The following PCTP variants were observed in gnomAD, a reference collection of about 807,000 sequenced individuals.
The protein encoded by PCTP is START domain-containing protein 2.
A neutral mutation model predicts 31.0 loss-of-function variants in PCTP; 27 were observed. The observed-to-expected ratio is 0.87, with a 90% CI of 0.64 to 1.20. PCTP has a LOEUF of 1.20. Among genes scored for constraint, PCTP ranks in the 50% most tolerant of loss-of-function variants. The probability of loss-of-function intolerance (pLI) is 0.00; values close to 1 mark genes in which losing one functional copy is unlikely to be tolerated. For missense variants in PCTP, 287 were observed against 268.2 expected, an observed-to-expected ratio of 1.07 and a Z score of -0.49; for synonymous variants, 108 against 101.2, an observed-to-expected ratio of 1.07 and a Z score of -0.40.
downstream of PCTP, among the ~76,000 whole-genome samples, chr17:55,845,456 C>A (rs1236836570): frequency 6.6e-6 from 1 of 152,224 alleles, no homozygotes; most frequent in Non-Finnish European, 1.5e-5. Flanking sequence ...CGGGCCTCAG[C>A]GACTCTGCGG....
downstream of PCTP, among the ~76,000 whole-genome samples, chr17:55,777,849 T>C (rs989126462): frequency 6.6e-6 from 1 of 152,194 alleles, no homozygotes. Flanking sequence ...CTGAAATCTA[T>C]TCTAGATAAA....
At position 55,768,085 on chromosome 17, in the gene PCTP, C is replaced by CAA. The variant is rs11424440; in HGVS notation, c.259+646_259+647dup. ...GGGACAACAGAGGGAGACCCTGTCT[C>CAA]AAAAAAAAAAAAAAGTCTAATCTAT... is the stretch of plus-strand genomic sequence containing the variant. On this transcript the variant is annotated intron_variant, in intron 2 of 5. Coordinates refer to ENST00000268896, the MANE Select transcript of PCTP (RefSeq NM_021213.4). Among the ~76,000 whole-genome samples, 207 of 140,112 alleles carry CAA rather than the reference C, an allele frequency of 1.5e-3. 1 individual carries two copies. The highest frequency in any genetic ancestry group is 3.6e-3 in the Middle Eastern group (1 of 276). The allele number at this position is 140,112 out of a possible 152,430, so 91.9% of individuals were successfully genotyped here. A position where few individuals can be genotyped will look rare whatever the true frequency, so the allele number is the denominator to read the frequency against.
intron 1 of PCTP, among the ~76,000 whole-genome samples, chr17:55,759,516 T>C (rs539275035): frequency 1.8e-4 from 28 of 152,304 alleles, no homozygotes; most frequent in East Asian, 1.9e-4. Context: ...AAAATACTTA[T>C]TTTTCATACC....
In PCTP at chr17:55,777,355, T is replaced by A; in HGVS notation, c.*1255T>A. On this transcript the variant is annotated 3_prime_UTR_variant, in exon 6 of 6. Transcript: ENST00000268896. Reference sequence around the variant, plus strand: ...GAAGAAAAGTGTGTTCTATAATGAATAAATATAGAGTGGTTTTTACTTGTC... The same window carrying A: ...GAAGAAAAGTGTGTTCTATAATGAAAAAATATAGAGTGGTTTTTACTTGTC... 1 of 984,962 alleles carries A rather than the reference T, an allele frequency of 1.0e-6. No homozygotes were observed. The highest frequency in any genetic ancestry group is 1.2e-6 in the Non-Finnish European group (1 of 829,360). The allele number at this position is 984,962 out of a possible 1,614,324, so 61.0% of individuals were successfully genotyped here.
In PCTP at chr17:55,814,372, A is replaced by C. The variant is rs977708004; in HGVS notation, c.318-8389A>C. 3.9e-5 allele frequency among the ~76,000 whole-genome samples: 6 copies of C among 152,246 alleles called. No homozygotes were observed. The East Asian group carries it at 7.7e-4, about 20-fold the overall frequency. On this transcript the variant is annotated intron_variant, in intron 3 of 3. Coordinates refer to the PCTP transcript ENST00000572536. ...TTGTATTCTAGTTATTTTCAATTTT[A>C]GGAGAACCAAGGTGAAAAAATGCAC... is the stretch of plus-strand genomic sequence containing the variant.
chr17:55,850,435 T>C, the PCTP span, among the ~76,000 whole-genome samples: 1 of 152,240 alleles, frequency 6.6e-6, no homozygotes, highest in Non-Finnish European at 1.5e-5. Context: ...GTACTTTGCT[T>C]AAACTTTCTG....
intron 5 of PCTP, among the ~76,000 whole-genome samples, chr17:55,837,589 G>A (rs1409099516): frequency 2.1e-4 from 32 of 152,110 alleles, no homozygotes; most frequent in African/African-American, 2.4e-5. Flanking sequence ...ATTAGGTTTC[G>A]TAATCCAGAA....
At chr17:55,781,492 T>C (rs571373964), downstream of PCTP, among the ~76,000 whole-genome samples, 1 of 152,344 alleles carries the variant, frequency 6.6e-6, no homozygotes, top group Admixed American at 6.5e-5. Flanking sequence ...AGACACTGTA[T>C]TAGTCCAGGT....
intron 3 of PCTP, among the ~76,000 whole-genome samples, chr17:55,806,578 T>A (rs996474700): frequency 1.3e-5 from 2 of 152,162 alleles, no homozygotes; most frequent in Admixed American, 1.3e-4. Context: ...CATCCTACCC[T>A]AGGATGATGA....
Position 55,774,849 on chromosome 17 carries a change from G to A in PCTP, c.569G>A (p.Trp190Ter). The change falls in exon 5 of 6, where the codon TGG becomes TAG. Residue 190 changes from tryptophan to a stop codon, truncating the protein, a stop_gained. Coordinates refer to ENST00000268896, the MANE Select transcript of PCTP (RefSeq NM_021213.4). LOFTEE classifies it high-confidence loss of function. The part of the protein sequence containing the change: ...GGQIPSWLIN[W>*]AAKNGVPNFL... ...CAAATTCCGTCCTGGCTCATTAACT[G>A]GGCCGCCAAGGTGAGATCCCAGGAG... is the stretch of plus-strand genomic sequence containing the variant. 7.0e-7 allele frequency: 1 copy of A among 1,435,672 alleles called. No individual in the cohort carries two copies. The highest frequency in any genetic ancestry group is 9.4e-7 in the Non-Finnish European group (1 of 1,063,760). The allele number at this position is 1,435,672 out of a possible 1,614,324, so 88.9% of individuals were successfully genotyped here.
At chr17:55,832,177 C>A (rs567003236) in intron 5 of PCTP, among the ~76,000 whole-genome samples, 4 of 152,232 alleles carry the variant, frequency 2.6e-5, no homozygotes, top group Non-Finnish European at 5.9e-5. Context: ...ATAGTTCTGT[C>A]ACTACGCCGT....
At chr17:55,792,929 G>A (rs755672908) in intron 3 of PCTP, among the ~76,000 whole-genome samples, 1 of 152,006 alleles carries the variant, frequency 6.6e-6, no homozygotes, top group African/African-American at 2.4e-5. Context: ...TGCACCAAGG[G>A]TATGGATGAG....
intron 5 of PCTP, 116 bp from the exon 6 acceptor site, chr17:55,775,919 A>G: frequency 3.4e-6 from 5 of 1,480,982 alleles, no homozygotes; most frequent in Non-Finnish European, 4.5e-6. Context: ...CCAGTTAGGG[A>G]GCCTATTCAT....
intron 5 of PCTP, chr17:55,775,520 C>A: frequency 1.7e-6 from 2 of 1,177,170 alleles, no homozygotes; most frequent in African/African-American, 1.6e-5. Context: ...TTTAAGGAAG[C>A]CATGCATTTC....
At chr17:55,803,714 A>G (rs1598007819) in intron 3 of PCTP, among the ~76,000 whole-genome samples, 6 of 152,304 alleles carry the variant, frequency 3.9e-5, no homozygotes. Context: ...TTAACTCAAC[A>G]TGGATTAAAG....
chr17:55,781,913 TTG>T (rs34261304), downstream of PCTP, among the ~76,000 whole-genome samples: 21,597 of 148,836 alleles, frequency 0.15, 1,565 homozygotes, highest in Middle Eastern at 0.21. Context: ...CAGCACCTGA[TTG>T]TGTGTGTGTG....
chr17:55,772,046 C>G (rs905395864), intron 3 of PCTP, among the ~76,000 whole-genome samples: 4 of 152,194 alleles, frequency 2.6e-5, no homozygotes, highest in Non-Finnish European at 4.4e-5. Flanking sequence ...ATTTTAATCA[C>G]TATATCAAGA....
At chr17:55,763,991 T>C (rs1465269415) in intron 1 of PCTP, among the ~76,000 whole-genome samples, 1 of 152,200 alleles carries the variant, frequency 6.6e-6, no homozygotes, top group African/African-American at 2.4e-5. Flanking sequence ...AAGGGAATGT[T>C]TAAAGGAAGT....
intron 1 of PCTP, among the ~76,000 whole-genome samples, chr17:55,763,384 A>G (rs1910445118): frequency 1.3e-5 from 2 of 152,180 alleles, no homozygotes; most frequent in Admixed American, 6.6e-5. Flanking sequence ...AAAAAGTATA[A>G]AGAGCCTTAA....
Sources: gnomAD v4.1 joint callset for allele counts (sites outside exome capture counted in the v4.1 genomes callset) on GRCh38, gnomAD v4.1.1 for gene constraint, MANE v1.5 for transcripts, NCBI Gene and HGNC (gene_info 2026-07-23, HGNC 2026-07-21) for gene names.